The following UST variants were observed in gnomAD, a reference collection of about 807,000 sequenced individuals.
UST encodes the protein uronyl 2-sulfotransferase, also known as chondroitin sulfate 2-O-sulfotransferase.
UST carries 21 observed loss-of-function variants against 45.6 expected under a neutral mutation model. The observed-to-expected ratio is 0.46, with a 90% CI of 0.33 to 0.66. The LOEUF is 0.66. Among genes scored for constraint, UST ranks in the 30% least tolerant of loss-of-function variants. UST has a pLI of 0.02. For missense variants in UST, 463 were observed against 512.4 expected (o/e 0.90, Z 0.93); for synonymous variants, 215 against 200.6 (o/e 1.07, Z -0.61).
chr6:148,811,005 C>T (rs1777247426), intron 1 of UST, among the ~76,000 whole-genome samples: 1 of 152,140 alleles, frequency 6.6e-6, no homozygotes, highest in African/African-American at 2.4e-5. Context: ...ATGAAAGGTA[C>T]ACCAGTTTAT....
intron 7 of UST, among the ~76,000 whole-genome samples, chr6:149,054,067 C>G (rs1000873583): frequency 1.4e-4 from 21 of 152,172 alleles, no homozygotes; most frequent in African/African-American, 5.1e-4. Context: ...CCCCATCCCC[C>G]CATGCCCAGC....
chr6:148,816,307 C>T (rs566425075), intron 1 of UST, among the ~76,000 whole-genome samples: 3 of 152,276 alleles, frequency 2.0e-5, no homozygotes, highest in African/African-American at 7.2e-5. Flanking sequence ...TCAACATGAT[C>T]ATTTCAGGAG....
At chr6:148,980,567 A>G (rs1350985013) in intron 5 of UST, among the ~76,000 whole-genome samples, 1 of 152,182 alleles carries the variant, frequency 6.6e-6, no homozygotes, top group Non-Finnish European at 1.5e-5. Context: ...AAGGCTCTTA[A>G]CAATCTGGAC....
intron 1 of UST, among the ~76,000 whole-genome samples, chr6:148,756,461 G>C (rs1430010017): frequency 6.6e-6 from 1 of 152,186 alleles, no homozygotes; most frequent in South Asian, 2.1e-4. Context: ...ACCAGATATA[G>C]CTGCTTAGTC....
intron 7 of UST, among the ~76,000 whole-genome samples, chr6:149,072,337 G>T (rs1776831700): frequency 6.6e-6 from 1 of 152,138 alleles, no homozygotes; most frequent in African/African-American, 2.4e-5. Context: ...CTATACAATG[G>T]AATGTTATTC....
chr6:148,948,030 C>T lies in UST; in HGVS notation c.448-5842C>T, dbSNP rs564898515. Among the ~76,000 whole-genome samples the T allele has an allele frequency of 6.6e-5, 10 of 152,268 alleles. No individual in the cohort carries two copies. In the South Asian group the frequency reaches 2.1e-3, roughly 32 times the overall value. Reference sequence around the variant, plus strand: ...ATGAGATTTTCTCTGTAATTGAGACCCAGGCTCTTTGCCTTGATCATGTCA... The same window carrying T: ...ATGAGATTTTCTCTGTAATTGAGACTCAGGCTCTTTGCCTTGATCATGTCA... On this transcript the variant is annotated intron_variant, in intron 3 of 7. Coordinates refer to ENST00000367463, the MANE Select transcript of UST (RefSeq NM_005715.3).
intron 5 of UST, among the ~76,000 whole-genome samples, chr6:149,012,357 GCAATAA>G (rs1413546139): frequency 3.9e-5 from 6 of 152,120 alleles, no homozygotes; most frequent in Non-Finnish European, 5.9e-5. Flanking sequence ...AGTGTATGAG[GCAATAA>G]AAGTTAACTT....
At chr6:148,954,436 T>C (rs1457094168) in intron 4 of UST, among the ~76,000 whole-genome samples, 1 of 152,252 alleles carries the variant, frequency 6.6e-6, no homozygotes, top group Non-Finnish European at 1.5e-5. Context: ...ACAGACCTCA[T>C]ATATACATTA....
At position 148,953,881 on chromosome 6, in the gene UST, A is replaced by G; in HGVS notation, c.457A>G (p.Ile153Val). The G allele has an allele frequency of 6.3e-7, 1 of 1,599,646 alleles. No homozygotes were observed. Among genetic ancestry groups the G allele is most frequent in the Non-Finnish European group, 8.5e-7 (1 of 1,173,426 alleles). Reference protein sequence around the residue: ...RLTKNEQMELIKNISTAEQPY... With the variant: ...RLTKNEQMELVKNISTAEQPY... ...TTACTTTTTTTAATAGATGGAACTG[A>G]TTAAAAATATAAGTACTGCCGAACA... Residue 153 changes from isoleucine (I) to valine (V), a missense_variant, in exon 4 of 8, where the codon ATT becomes GTT. Physicochemically the swap from Ile to Val is conservative, Grantham distance 29 (BLOSUM62 3). This residue lies in a region of UST where 287 missense variants were observed against 374.2 expected (regional missense o/e 0.77). Coordinates refer to ENST00000367463, the MANE Select transcript of UST (RefSeq NM_005715.3).
chr6:149,015,930 G>T (rs1387549275), intron 5 of UST, among the ~76,000 whole-genome samples: 1 of 152,178 alleles, frequency 6.6e-6, no homozygotes, highest in Non-Finnish European at 1.5e-5. Flanking sequence ...GCTAAGAGTG[G>T]ACTGGGTAGG....
At chr6:148,896,227 A>AG (rs1340456698) in intron 2 of UST, among the ~76,000 whole-genome samples, 3 of 152,340 alleles carry the variant, frequency 2.0e-5, no homozygotes, top group African/African-American at 7.2e-5. Context: ...TTTACTTGCA[A>AG]GAGTAGATTT....
Position 149,051,880 on chromosome 6 carries a change from T to C in UST, c.938-21953T>C, listed in dbSNP as rs79111158. On this transcript the variant is annotated intron_variant, in intron 7 of 7. Coordinates refer to ENST00000367463, the MANE Select transcript of UST (RefSeq NM_005715.3). ...GATATAGTAGAAGATAAAAAATGAATAGAAAAGAGATAGTACTACCCAAAT... is the reference window on the plus strand; with the variant it reads ...GATATAGTAGAAGATAAAAAATGAACAGAAAAGAGATAGTACTACCCAAAT... 3.3e-5 allele frequency among the ~76,000 whole-genome samples: 5 copies of C among 152,258 alleles called. No individual in the cohort carries two copies. In the East Asian group the frequency reaches 9.6e-4, roughly 29 times the overall value.
chr6:148,776,943 C>T (rs1359234161), intron 1 of UST, among the ~76,000 whole-genome samples: 1 of 152,100 alleles, frequency 6.6e-6, no homozygotes, highest in African/African-American at 2.4e-5. Flanking sequence ...CTGTGTGGTC[C>T]CTTGGCCTTG....
chr6:148,783,626 A>G (rs1776683740), intron 1 of UST, among the ~76,000 whole-genome samples: 1 of 152,210 alleles, frequency 6.6e-6, no homozygotes, highest in African/African-American at 2.4e-5. Context: ...TATATGTAAA[A>G]TCAGAGCTTC....
At chr6:148,870,772 C>T (rs1778535260) in intron 1 of UST, among the ~76,000 whole-genome samples, 1 of 152,216 alleles carries the variant, frequency 6.6e-6, no homozygotes, top group Non-Finnish European at 1.5e-5. Context: ...CTGGGATGCT[C>T]TCACCCTCTT....
At chr6:148,884,522 G>C (rs544399630) in intron 1 of UST, among the ~76,000 whole-genome samples, 13 of 152,280 alleles carry the variant, frequency 8.5e-5, no homozygotes, top group African/African-American at 3.1e-4. Flanking sequence ...AGTTCAAAAG[G>C]CCCCTCATTG....
chr6:149,007,819 C>T (rs2115010226), intron 5 of UST, among the ~76,000 whole-genome samples: 1 of 152,260 alleles, frequency 6.6e-6, no homozygotes, highest in South Asian at 2.1e-4. Context: ...GCCTGAAAAA[C>T]CAAGAGGCCA....
chr6:148,860,634 G>C (rs1053677377), intron 1 of UST, among the ~76,000 whole-genome samples: 1 of 152,172 alleles, frequency 6.6e-6, no homozygotes, highest in Non-Finnish European at 1.5e-5. Context: ...CTGTGGGTTT[G>C]TCATAAATAG....
intron 5 of UST, among the ~76,000 whole-genome samples, chr6:148,983,745 G>A (rs112774194): frequency 6.6e-6 from 1 of 152,250 alleles, no homozygotes; most frequent in Non-Finnish European, 1.5e-5. Context: ...AAACTCAGAA[G>A]TGACAGCTGT....
Sources: gnomAD v4.1 joint callset for allele counts (sites outside exome capture counted in the v4.1 genomes callset) on GRCh38, gnomAD v4.1.1 for gene constraint, gnomAD v4.1.1 regional missense constraint, MANE v1.5 for transcripts, NCBI Gene and HGNC (gene_info 2026-07-23, HGNC 2026-07-21) for gene names.